The following NAV1 variants were observed in gnomAD, a reference collection of about 807,000 sequenced individuals.
NAV1 encodes neuron navigator 1, also known as pore membrane and/or filament interacting like protein 3.
A neutral mutation model predicts 175.2 loss-of-function variants in NAV1; 18 were observed. The observed-to-expected ratio is 0.10, with a 90% CI of 0.07 to 0.15. The LOEUF (loss-of-function observed/expected upper bound fraction) is 0.15. NAV1 is among the 10% of genes least tolerant of loss of function. The pLI, the probability that NAV1 is intolerant of heterozygous loss-of-function variation, is 1.00. For synonymous variants in NAV1, 897 were observed against 978.7 expected (o/e 0.92, Z 1.56); for missense variants, 1,731 against 2,436.6 (o/e 0.71, Z 6.10).
At chr1:201,564,575 A>G (rs1324697342) in intron 1 of NAV1, among the ~76,000 whole-genome samples, 2 of 152,206 alleles carry the variant, frequency 1.3e-5, no homozygotes, top group Non-Finnish European at 2.9e-5. Context: ...GTGAGCCAAG[A>G]TTGTGCCACT....
At chr1:201,634,955 G>A (rs760209324) in intron 2 of NAV1, among the ~76,000 whole-genome samples, 3 of 152,130 alleles carry the variant, frequency 2.0e-5, no homozygotes, top group African/African-American at 4.8e-5. Context: ...CCTGTTTCTC[G>A]CTGCACCAAG....
At chr1:201,804,438 CTTT>C in intron 16 of NAV1, 48 bp from the exon 21 acceptor site, 7 of 1,153,608 alleles carry the variant, frequency 6.1e-6, no homozygotes, top group Admixed American at 5.1e-5. Context: ...AGTGTTGATT[CTTT>C]TTTTTTTTCC....
intron 1 of NAV1, among the ~76,000 whole-genome samples, chr1:201,696,737 C>T (rs1234196888): frequency 2.0e-5 from 3 of 152,152 alleles, no homozygotes; most frequent in Non-Finnish European, 4.4e-5. Context: ...GGAAAAAGCA[C>T]GGACTTCAGA....
At chr1:201,577,685 C>A (rs549580246) in intron 1 of NAV1, among the ~76,000 whole-genome samples, 1 of 152,222 alleles carries the variant, frequency 6.6e-6, no homozygotes, top group African/African-American at 2.4e-5. Flanking sequence ...GTCCTTCTGG[C>A]AACAAAGTCT....
intron 15 of NAV1, chr1:201,795,729 A>G (rs962575656): frequency 6.8e-6 from 1 of 147,944 alleles, no homozygotes; most frequent in East Asian, 2.0e-4. Flanking sequence ...CCAACTTACA[A>G]TTTTTAGTAC....
At chr1:201,663,152 C>T (rs909483454) in intron 1 of NAV1, among the ~76,000 whole-genome samples, 4 of 152,196 alleles carry the variant, frequency 2.6e-5, no homozygotes, top group African/African-American at 4.8e-5. Flanking sequence ...CGAAGGGGAA[C>T]GGTCTCTGAT....
At chr1:201,748,473 C>T (rs1246967449) in intron 3 of NAV1, among the ~76,000 whole-genome samples, 1 of 152,092 alleles carries the variant, frequency 6.6e-6, no homozygotes, top group Admixed American at 6.5e-5. Context: ...TACCAGCCTC[C>T]ACCAAGCTCT....
intron 1 of NAV1, among the ~76,000 whole-genome samples, chr1:201,681,521 T>C (rs977789242): frequency 3.9e-5 from 6 of 152,204 alleles, no homozygotes; most frequent in African/African-American, 1.4e-4. Flanking sequence ...CACGAGGCCA[T>C]GTGGGAACAT....
Position 201,611,655 on chromosome 1 carries a change from T to C in NAV1, c.-32-11198T>C, listed in dbSNP as rs542474174. Among the ~76,000 whole-genome samples, 9 of 152,352 alleles carry C rather than the reference T, an allele frequency of 5.9e-5. No homozygotes were observed. In the South Asian group the frequency reaches 1.5e-3, roughly 25 times the overall value. On this transcript the variant is annotated intron_variant, in intron 2 of 33. Transcript: ENST00000685211. ...TTATACCCTCACCCTTAGCTCCATG[T>C]GTGAGCTGAACAAGGTCTGTAAACC...
intron 3 of NAV1, among the ~76,000 whole-genome samples, chr1:201,742,938 G>C (rs1673524751): frequency 6.6e-6 from 1 of 152,116 alleles, no homozygotes; most frequent in African/African-American, 2.4e-5. Context: ...TTAATAGGGG[G>C]GACAGTCCGT....
intron 1 of NAV1, among the ~76,000 whole-genome samples, chr1:201,582,389 C>A (rs181379707): frequency 4.6e-5 from 7 of 152,202 alleles, no homozygotes. Flanking sequence ...CACACAGGAC[C>A]AGTATGGGAA....
At chr1:201,699,301 C>T (rs1435399174) in intron 1 of NAV1, among the ~76,000 whole-genome samples, 2 of 152,098 alleles carry the variant, frequency 1.3e-5, no homozygotes, top group East Asian at 3.8e-4. Context: ...CAATAACAGA[C>T]AAACAGAGAG....
At chr1:201,709,802 T>C (rs1213111030) in intron 1 of NAV1, among the ~76,000 whole-genome samples, 1 of 152,194 alleles carries the variant, frequency 6.6e-6, no homozygotes, top group East Asian at 1.9e-4. Flanking sequence ...CCCAAATCTA[T>C]ACCTGTGGGG....
At chr1:201,752,392 G>GTAGA (rs1290800476) in intron 3 of NAV1, among the ~76,000 whole-genome samples, 2 of 152,172 alleles carry the variant, frequency 1.3e-5, no homozygotes, top group African/African-American at 4.8e-5. Context: ...AATAAAAAGA[G>GTAGA]TAGAGAATCT....
rs912167956 is a variant in NAV1 at position 201,648,664 on chromosome 1, G to A, written c.-5G>A. 6.4e-6 allele frequency: 9 copies of A among 1,395,922 alleles called. No individual in the cohort carries two copies. In the Admixed American group the frequency reaches 2.2e-4, roughly 34 times the overall value. 86.5% of individuals were successfully genotyped at this position (1,395,922 alleles called of 1,614,324 possible). A position where few individuals can be genotyped will look rare whatever the true frequency, so the allele number is the denominator to read the frequency against. On this transcript the variant is annotated 5_prime_UTR_variant, in exon 1 of 30. Transcript: ENST00000367296. The stretch of plus-strand genomic sequence containing the variant: ...CGGATCGTCCATGCGCTCCTCGCGG[G>A]CAGAATGCTGGGCAGCAGCGTCAAG...
chr1:201,577,424 AAC>A (rs1205395643), intron 1 of NAV1, among the ~76,000 whole-genome samples: 1 of 151,782 alleles, frequency 6.6e-6, no homozygotes, highest in East Asian at 1.9e-4. Context: ...TTCGCATTTA[AAC>A]ACACAATCCA....
chr1:201,769,015 C>T (rs1455888480), intron 3 of NAV1, among the ~76,000 whole-genome samples: 1 of 152,172 alleles, frequency 6.6e-6, no homozygotes, highest in Non-Finnish European at 1.5e-5. Context: ...AGGTTAGCCT[C>T]TTCAAGAGGA....
intron 3 of NAV1, among the ~76,000 whole-genome samples, chr1:201,736,164 A>C (rs1571915528): frequency 6.6e-6 from 1 of 152,304 alleles, no homozygotes; most frequent in East Asian, 1.9e-4. Flanking sequence ...CATCTGAGGA[A>C]TGAAATAGCC....
rs1050176401 is a variant in NAV1 at position 201,539,188 on chromosome 1, A to G, written c.-298A>G. Among the ~76,000 whole-genome samples, 10 of 152,132 alleles carry G rather than the reference A, an allele frequency of 6.6e-5. 1 individual carries two copies. The highest frequency in any genetic ancestry group is 5.9e-4 in the Admixed American group (9 of 15,282). On this transcript the variant is annotated 5_prime_UTR_variant, in exon 1 of 34. Transcript: ENST00000685211. The surrounding 1 kb of genome is among the most constrained non-coding windows in gnomAD (Gnocchi z 5.6). The stretch of plus-strand genomic sequence containing the variant: ...GGCCCGAGGCTGGAGTGCGCGGCGG[A>G]CGCCAAGCCTGGTGCGAGGGGCCGA...
Sources: allele counts gnomAD v4.1 joint callset (sites outside exome capture counted in the v4.1 genomes callset), GRCh38; gene constraint gnomAD v4.1.1; non-coding constraint Gnocchi (gnomAD v3.1); transcripts MANE v1.5; gene names NCBI Gene and HGNC (gene_info 2026-07-23, HGNC 2026-07-21).